BRINP1: variants seen among roughly 807,000 people sequenced by gnomAD.
BRINP1 encodes the protein BMP/retinoic acid-inducible neural-specific protein 1.
A neutral mutation model predicts 72.9 loss-of-function variants in BRINP1; 17 were observed. The ratio of observed to expected loss-of-function variants is 0.23; its 90% CI spans 0.16 to 0.35. The LOEUF (loss-of-function observed/expected upper bound fraction) is 0.35, where lower values mean the gene tolerates loss of function less well. Among genes scored for constraint, BRINP1 ranks in the 10% least tolerant of loss-of-function variants. The pLI is 1.00. For missense variants in BRINP1, 850 were observed against 1,001.6 expected, an observed-to-expected ratio of 0.85 and a Z score of 2.04; for synonymous variants, 418 against 378.5, an observed-to-expected ratio of 1.10 and a Z score of -1.21.
At chr9:119,288,908 C>A (rs1830794990) in intron 2 of BRINP1, among the ~76,000 whole-genome samples, 3 of 152,124 alleles carry the variant, frequency 2.0e-5, no homozygotes, top group Non-Finnish European at 1.5e-5. Flanking sequence ...CTATTCTATT[C>A]TCCTGCCTCA....
chr9:119,263,808 C>T (rs1417518301), intron 2 of BRINP1, among the ~76,000 whole-genome samples: 1 of 151,876 alleles, frequency 6.6e-6, no homozygotes, highest in Non-Finnish European at 1.5e-5. Context: ...CGGGGTTTCA[C>T]CGTGTTAGCC....
At chr9:119,218,257 T>G in intron 5 of BRINP1, among the ~76,000 whole-genome samples, 1 of 146,910 alleles carries the variant, frequency 6.8e-6, no homozygotes, top group Admixed American at 7.0e-5. Context: ...CAGGCTGGAG[T>G]GCAGTGGCAC....
intron 7 of BRINP1, among the ~76,000 whole-genome samples, chr9:119,202,296 C>T (rs1281681154): frequency 6.6e-6 from 1 of 152,154 alleles, no homozygotes; most frequent in Admixed American, 6.5e-5. Flanking sequence ...GAAGTGTTAA[C>T]TATTAAATGT....
intron 3 of BRINP1, among the ~76,000 whole-genome samples, chr9:119,243,284 C>CTT (rs1830277214): frequency 6.6e-6 from 1 of 152,068 alleles, no homozygotes; most frequent in African/African-American, 2.4e-5. Flanking sequence ...TCATTCAGCT[C>CTT]TAAGTGAGAA....
At chr9:119,238,924 C>T (rs1830218752) in intron 4 of BRINP1, among the ~76,000 whole-genome samples, 164 bp from the exon 5 acceptor site, 1 of 152,214 alleles carries the variant, frequency 6.6e-6, no homozygotes, top group Admixed American at 6.5e-5. Context: ...CCAAGCACAG[C>T]TGTCACTGAG....
intron 2 of BRINP1, among the ~76,000 whole-genome samples, chr9:119,301,630 T>C (rs777578152): frequency 6.6e-6 from 1 of 152,088 alleles, no homozygotes; most frequent in African/African-American, 2.4e-5. Context: ...AATCCACACA[T>C]ATGGTAAAAT....
At chr9:119,362,490 A>G (rs553146335) in intron 1 of BRINP1, among the ~76,000 whole-genome samples, 2 of 152,270 alleles carry the variant, frequency 1.3e-5, no homozygotes, top group African/African-American at 4.8e-5. Context: ...TTATTTATAG[A>G]TTTGCAGATC....
chr9:119,358,977 C>T (rs1179627617), intron 1 of BRINP1, among the ~76,000 whole-genome samples: 1 of 152,134 alleles, frequency 6.6e-6, no homozygotes, highest in South Asian at 2.1e-4. Flanking sequence ...AAGGCAGTGC[C>T]TTGAACCTAA....
At chr9:119,248,126 A>T (rs1160741527) in intron 3 of BRINP1, among the ~76,000 whole-genome samples, 1 of 152,144 alleles carries the variant, frequency 6.6e-6, no homozygotes, top group Non-Finnish European at 1.5e-5. Flanking sequence ...CCCCTGTTAT[A>T]ATTACACCTC....
intron 2 of BRINP1, among the ~76,000 whole-genome samples, chr9:119,251,422 A>G (rs1355060267): frequency 2.0e-5 from 3 of 152,142 alleles, no homozygotes; most frequent in South Asian, 2.1e-4. Flanking sequence ...TTAAGTTTGC[A>G]TGGAATTTAG....
chr9:119,249,227 C>T lies in BRINP1; in HGVS notation c.219-77G>A, dbSNP rs548146973. Reference sequence around the variant, plus strand: ...GCCAAAGTCCACCCAACCATCCATCCAGGCATCTCTCCTTAAGTGGGAAAG... The same window carrying T: ...GCCAAAGTCCACCCAACCATCCATCTAGGCATCTCTCCTTAAGTGGGAAAG... On this transcript the variant is annotated intron_variant, in intron 2 of 7. Transcript: ENST00000265922. 1.6e-5 allele frequency: 22 copies of T among 1,397,704 alleles called. No individual in the cohort carries two copies. In the African/African-American group the frequency reaches 2.8e-4, roughly 18 times the overall value. 86.6% of individuals were successfully genotyped at this position (1,397,704 alleles called of 1,614,324 possible).
intron 2 of BRINP1, among the ~76,000 whole-genome samples, chr9:119,277,104 A>G (rs1366708695): frequency 6.6e-6 from 1 of 152,158 alleles, no homozygotes; most frequent in Non-Finnish European, 1.5e-5. Context: ...ACCTACCATA[A>G]TGCCTTTGAG....
intron 5 of BRINP1, among the ~76,000 whole-genome samples, chr9:119,229,156 T>A (rs1830123281): frequency 1.3e-5 from 2 of 152,020 alleles, no homozygotes; most frequent in African/African-American, 4.8e-5. Flanking sequence ...ATTTGCTGAG[T>A]TCCTGACTAT....
intron 5 of BRINP1, 90 bp from the exon 6 acceptor site, chr9:119,214,245 A>C: frequency 1.1e-6 from 1 of 926,304 alleles, no homozygotes; most frequent in Non-Finnish European, 1.7e-6. Flanking sequence ...AGGAATCTGA[A>C]GCTGCTACAT....
intron 2 of BRINP1, among the ~76,000 whole-genome samples, chr9:119,274,096 A>G (rs1830631503): frequency 6.6e-6 from 1 of 152,240 alleles, no homozygotes; most frequent in African/African-American, 2.4e-5. Context: ...TGCAATTGGC[A>G]GCCTTACTCC....
At chr9:119,300,049 G>C (rs142315794) in intron 2 of BRINP1, among the ~76,000 whole-genome samples, 16 of 151,836 alleles carry the variant, frequency 1.1e-4, no homozygotes, top group Non-Finnish European at 1.9e-4. Flanking sequence ...TCAGTGATTC[G>C]TTTCACACCC....
chr9:119,348,824 T>C (rs1383596307), intron 1 of BRINP1, among the ~76,000 whole-genome samples: 2 of 152,170 alleles, frequency 1.3e-5, no homozygotes, highest in South Asian at 2.1e-4. Context: ...GCCTGGTGCA[T>C]AGCATTCATC....
chr9:119,299,651 T>C (rs1021833613), intron 2 of BRINP1, among the ~76,000 whole-genome samples: 2 of 151,960 alleles, frequency 1.3e-5, no homozygotes, highest in Non-Finnish European at 2.9e-5. Flanking sequence ...TGTGGTTATA[T>C]GTCTTTCGGT....
chr9:119,293,931 T>C (rs1030547087), intron 2 of BRINP1, among the ~76,000 whole-genome samples: 8 of 152,034 alleles, frequency 5.3e-5, no homozygotes, highest in Non-Finnish European at 1.2e-4. Context: ...ATTAAATACA[T>C]AAAAGTAATA....
Sources: allele counts gnomAD v4.1 joint callset (sites outside exome capture counted in the v4.1 genomes callset), GRCh38; gene constraint gnomAD v4.1.1; transcripts MANE v1.5; gene names NCBI Gene and HGNC (gene_info 2026-07-23, HGNC 2026-07-21).